PEPD: variants seen among roughly 807,000 people sequenced by gnomAD.
PEPD encodes the protein peptidase D.
PEPD carries 53 observed loss-of-function variants against 60.7 expected under a neutral mutation model. That is an observed-to-expected ratio of 0.87 (90% CI 0.70 to 1.10). The LOEUF (loss-of-function observed/expected upper bound fraction) is 1.10. Among genes scored for constraint, PEPD ranks in the 50% least tolerant of loss-of-function variants. The probability of loss-of-function intolerance (pLI) is 0.00; values close to 1 mark genes in which losing one functional copy is unlikely to be tolerated. For synonymous variants in PEPD, 267 were observed against 284.1 expected (o/e 0.94, Z 0.60); for missense variants, 711 against 711.9 (o/e 1.00, Z 0.01).
chr19:33,503,869 T>G (rs2145339621), intron 3 of PEPD, among the ~76,000 whole-genome samples: 1 of 152,244 alleles, frequency 6.6e-6, no homozygotes, highest in South Asian at 2.1e-4. Context: ...GAGGGGCATC[T>G]CAGCCATCAG....
chr19:33,499,250 T>C (rs1355343369), intron 4 of PEPD, among the ~76,000 whole-genome samples: 1 of 152,064 alleles, frequency 6.6e-6, no homozygotes, highest in Non-Finnish European at 1.5e-5. Flanking sequence ...TGAAATAACA[T>C]AACATAAAGA....
At chr19:33,483,897 G>A (rs1235027551) in intron 6 of PEPD, among the ~76,000 whole-genome samples, 1 of 152,130 alleles carries the variant, frequency 6.6e-6, no homozygotes, top group Non-Finnish European at 1.5e-5. Context: ...CACACGCAGG[G>A]TCGTGACCTC....
chr19:33,515,388 C>A (rs117719368), intron 1 of PEPD, among the ~76,000 whole-genome samples: 1,595 of 152,278 alleles, frequency 0.01, 14 homozygotes, highest in Non-Finnish European at 0.016. Flanking sequence ...TGGACACCAG[C>A]GGCCAGAGCT....
intron 7 of PEPD, among the ~76,000 whole-genome samples, chr19:33,470,658 A>G (rs1970105715): frequency 6.6e-6 from 1 of 152,176 alleles, no homozygotes; most frequent in Non-Finnish European, 1.5e-5. Flanking sequence ...ACCGGCACAG[A>G]CACACAGTAA....
intron 3 of PEPD, among the ~76,000 whole-genome samples, chr19:33,507,993 G>T (rs1970845878): frequency 6.6e-6 from 1 of 152,022 alleles, no homozygotes; most frequent in South Asian, 2.1e-4. Flanking sequence ...GATCTGACCT[G>T]CCCAGCATGT....
chr19:33,418,485 C>T (rs1332524197), intron 9 of PEPD, among the ~76,000 whole-genome samples: 1 of 152,224 alleles, frequency 6.6e-6, no homozygotes, highest in African/African-American at 2.4e-5. Context: ...ACCAGAAGCA[C>T]GTACTACATT....
intron 9 of PEPD, among the ~76,000 whole-genome samples, chr19:33,433,229 T>G (rs963698494): frequency 6.6e-6 from 1 of 152,234 alleles, no homozygotes; most frequent in African/African-American, 2.4e-5. Flanking sequence ...GGAAGAGGTT[T>G]CTTTATAAAA....
chr19:33,401,685 G>T, intron 12 of PEPD, 36 bp downstream of exon 12: 1 of 1,589,344 alleles, frequency 6.3e-7, no homozygotes, highest in Non-Finnish European at 8.6e-7. Context: ...CCAACGCCAC[G>T]TCAGATGCGC....
At chr19:33,509,184 C>G (rs913873861) in intron 3 of PEPD, among the ~76,000 whole-genome samples, 2 of 152,224 alleles carry the variant, frequency 1.3e-5, no homozygotes, top group African/African-American at 2.4e-5. Flanking sequence ...CAATAAAGAT[C>G]ACGACAGGAT....
At chr19:33,400,851 C>A (rs1318094392) in intron 12 of PEPD, among the ~76,000 whole-genome samples, 2 of 151,928 alleles carry the variant, frequency 1.3e-5, no homozygotes, top group Non-Finnish European at 2.9e-5. Context: ...CCTGTGGGTG[C>A]TAGACTCCAC....
intron 2 of PEPD, 114 bp from the exon 3 acceptor site, chr19:33,511,269 C>T: frequency 1.9e-6 from 2 of 1,050,136 alleles, no homozygotes; most frequent in Non-Finnish European, 2.9e-6. Context: ...CCTCCTGTAA[C>T]TGACCCCAGC....
chr19:33,512,714 C>G lies in PEPD; in HGVS notation c.80G>C (p.Arg27Pro), dbSNP rs372527759. 1 of 1,614,082 alleles carries G rather than the reference C, an allele frequency of 6.2e-7. No homozygotes were observed. The highest frequency in any genetic ancestry group is 8.5e-7 in the Non-Finnish European group (1 of 1,179,982). ...KVPLALFALNRQRLCERLRKN... is the reference protein window; with the variant it reads ...KVPLALFALNPQRLCERLRKN... ...CCGCAGCCGCTCACACAGGCGCTGC[C>G]GGTTCAAGGCAAAGAGCGCCAGCGG... The change falls in exon 2 of 15, where the codon CGG becomes CCG. Residue 27 changes from arginine (R) to proline (P), a missense_variant. Arg to Pro is a moderately radical substitution (Grantham distance 103, BLOSUM62 -2). Transcript: ENST00000244137.
chr19:33,477,440 A>G (rs914719733), intron 7 of PEPD: 1 of 168,556 alleles, frequency 5.9e-6, no homozygotes, highest in Non-Finnish European at 1.3e-5. Context: ...CATCCATCAA[A>G]GAAAAAATGC....
chr19:33,478,151 C>T, intron 6 of PEPD, 61 bp from the exon 7 acceptor site: 5 of 1,110,476 alleles, frequency 4.5e-6, no homozygotes, highest in Non-Finnish European at 6.8e-6. Context: ...CCAGCAAGAA[C>T]TACCTCATTC....
chr19:33,505,028 G>C (rs1433237545), intron 3 of PEPD, among the ~76,000 whole-genome samples: 1 of 152,210 alleles, frequency 6.6e-6, no homozygotes, highest in Non-Finnish European at 1.5e-5. Flanking sequence ...CAGCAACTGT[G>C]GGGGCCACGG....
At chr19:33,503,380 T>A (rs1970746012) in intron 3 of PEPD, among the ~76,000 whole-genome samples, 1 of 152,246 alleles carries the variant, frequency 6.6e-6, no homozygotes, top group Non-Finnish European at 1.5e-5. Context: ...TAAATTTGCA[T>A]GATTCAGTCA....
chr19:33,391,692 G>A (rs17530976), intron 12 of PEPD, among the ~76,000 whole-genome samples: 2,679 of 152,278 alleles, frequency 0.018, 23 homozygotes, highest in Middle Eastern at 0.048. Flanking sequence ...TCTGGCCCTC[G>A]GGACCCTTCT....
At chr19:33,496,638 G>A (rs1015680775) in intron 4 of PEPD, among the ~76,000 whole-genome samples, 2 of 152,144 alleles carry the variant, frequency 1.3e-5, no homozygotes, top group Non-Finnish European at 2.9e-5. Flanking sequence ...TGTCAACTCA[G>A]GGCCTCGTTT....
At position 33,388,037 on chromosome 19, in the gene PEPD, A is replaced by G; in HGVS notation, c.1197T>C (p.Thr399=). 6.4e-7 allele frequency: 1 copy of G among 1,562,260 alleles called. No individual in the cohort carries two copies. The highest frequency in any genetic ancestry group is 8.7e-7 in the Non-Finnish European group (1 of 1,153,774). The change falls in exon 14 of 15, where the codon ACT becomes ACC. Residue 399 remains threonine, a synonymous_variant. Coordinates refer to ENST00000244137, the MANE Select transcript of PEPD (RefSeq NM_000285.4). ...CCATGCCTGGCTGCAGGTGCCGTGC[A>G]GTGCGCAGGCTCCGCAGGCCGGGCT... ...IDEPGLRSLR[T]ARHLQPGMVL...
Sources: allele counts gnomAD v4.1 joint callset (sites outside exome capture counted in the v4.1 genomes callset), GRCh38; gene constraint gnomAD v4.1.1; transcripts MANE v1.5; gene names NCBI Gene and HGNC (gene_info 2026-07-23, HGNC 2026-07-21).